TNKS: variants seen among roughly 807,000 people sequenced by gnomAD.
TNKS encodes the protein poly [ADP-ribose] polymerase tankyrase-1.
A neutral mutation model predicts 135.8 loss-of-function variants in TNKS; 72 were observed. The ratio of observed to expected loss-of-function variants is 0.53; its 90% CI spans 0.44 to 0.64. TNKS has a LOEUF of 0.64. Among genes scored for constraint, TNKS ranks in the 30% least tolerant of loss-of-function variants. The pLI is 0.00. For synonymous variants in TNKS, 849 were observed against 649.3 expected (o/e 1.31, Z -4.68); for missense variants, 1,769 against 1,674.0 (o/e 1.06, Z -0.99).
intron 3 of TNKS, among the ~76,000 whole-genome samples, chr8:9,669,008 A>C (rs1258969421): frequency 6.6e-6 from 1 of 152,188 alleles, no homozygotes; most frequent in East Asian, 1.9e-4. Flanking sequence ...GCAGAAATTA[A>C]TGTAACTGAA....
chr8:9,709,967 G>T lies in TNKS; in HGVS notation c.1591G>T (p.Ala531Ser), dbSNP rs752448392. ...SHETALHCAV[A>S]SLHPKRKQVT... ...GTTTACTTTATAGCACTGTGCTGTG[G>T]CCTCTCTGCATCCCAAACGTAAACA... The change falls in exon 10 of 27, where the codon GCC becomes TCC. Residue 531 changes from alanine (A) to serine (S), a missense_variant. Coordinates refer to ENST00000310430, the MANE Select transcript of TNKS (RefSeq NM_003747.3). The T allele has an allele frequency of 6.2e-7, 1 of 1,613,634 alleles. No homozygotes were observed. Among genetic ancestry groups the T allele is most frequent in the Non-Finnish European group, 8.5e-7 (1 of 1,179,918 alleles).
chr8:9,566,001 A>G (rs1012212309), intron 1 of TNKS, among the ~76,000 whole-genome samples: 9 of 152,302 alleles, frequency 5.9e-5, no homozygotes, highest in African/African-American at 2.2e-4. Context: ...TATTATATAC[A>G]TAGTAAGTAG....
intron 17 of TNKS, among the ~76,000 whole-genome samples, chr8:9,740,677 T>C (rs1274411973): frequency 1.3e-5 from 2 of 152,102 alleles, no homozygotes; most frequent in Non-Finnish European, 2.9e-5. Flanking sequence ...TAAAGATGAG[T>C]AGTCTTTTAT....
intron 3 of TNKS, among the ~76,000 whole-genome samples, chr8:9,645,164 G>A (rs1233917843): frequency 6.6e-6 from 1 of 152,130 alleles, no homozygotes; most frequent in Non-Finnish European, 1.5e-5. Flanking sequence ...AATGCAAAGG[G>A]GAGGACGGGT....
chr8:9,780,260 T>A lies in TNKS; in HGVS notation c.*3524T>A, dbSNP rs1808402072. On this transcript the variant is annotated 3_prime_UTR_variant, in exon 27 of 27. Coordinates refer to ENST00000310430, the MANE Select transcript of TNKS (RefSeq NM_003747.3). ...TAAATGGCCTTGCAAACAGAAGTGG[T>A]GTGTATTTTCAAGCACCTTTCCCCC... The A allele has an allele frequency of 7.1e-6, 1 of 141,338 alleles. No homozygotes were observed. The highest frequency in any genetic ancestry group is 7.5e-5 in the Admixed American group (1 of 13,270). The allele number at this position is 141,338 out of a possible 1,614,324, so 8.8% of individuals were successfully genotyped here.
At chr8:9,569,039 C>G (rs537356818) in intron 1 of TNKS, among the ~76,000 whole-genome samples, 1 of 152,232 alleles carries the variant, frequency 6.6e-6, no homozygotes, top group South Asian at 2.1e-4. Flanking sequence ...AAATAATAAG[C>G]ATAATTGTTA....
At chr8:9,659,040 A>C (rs7463594) in intron 3 of TNKS, among the ~76,000 whole-genome samples, 22,918 of 152,226 alleles carry the variant, frequency 0.15, 1,931 homozygotes, top group Admixed American at 0.24. Context: ...ACTAACTATC[A>C]TAAATATATA....
intron 2 of TNKS, among the ~76,000 whole-genome samples, chr8:9,598,654 C>G (rs958907946): frequency 1.3e-4 from 19 of 150,030 alleles, no homozygotes; most frequent in Non-Finnish European, 1.3e-4. Flanking sequence ...TGAGATTGCA[C>G]CATGCCACTG....
intron 2 of TNKS, among the ~76,000 whole-genome samples, chr8:9,589,445 C>G (rs960240383): frequency 7.2e-5 from 11 of 152,096 alleles, no homozygotes; most frequent in African/African-American, 2.7e-4. Context: ...AGTAAACAAC[C>G]AAGCCAGCTC....
intron 1 of TNKS, among the ~76,000 whole-genome samples, chr8:9,563,176 T>C (rs1304579703): frequency 6.6e-6 from 1 of 152,156 alleles, no homozygotes; most frequent in Admixed American, 6.5e-5. Context: ...ATTGTCCATT[T>C]CCAGAACATT....
chr8:9,668,039 T>C (rs9650638), intron 3 of TNKS, among the ~76,000 whole-genome samples: 112,461 of 152,016 alleles, frequency 0.74, 41,778 homozygotes, highest in Middle Eastern at 0.82. Context: ...GCACCAAACC[T>C]GCAGCAACTT....
chr8:9,563,934 T>A (rs1268864220), intron 1 of TNKS, among the ~76,000 whole-genome samples: 1 of 152,188 alleles, frequency 6.6e-6, no homozygotes, highest in Non-Finnish European at 1.5e-5. Flanking sequence ...AATAAAGGTC[T>A]GAGATAGTTA....
intron 2 of TNKS, among the ~76,000 whole-genome samples, chr8:9,595,320 C>G (rs1020773728): frequency 6.6e-6 from 1 of 151,978 alleles, no homozygotes; most frequent in African/African-American, 2.4e-5. Context: ...TCATAAAAAA[C>G]AAAGATGACA....
At chr8:9,590,486 CTTGT>C (rs1798549879) in intron 2 of TNKS, among the ~76,000 whole-genome samples, 3 of 152,134 alleles carry the variant, frequency 2.0e-5, no homozygotes, top group East Asian at 3.9e-4. Context: ...CATACATTTA[CTTGT>C]TTGTTTGCCA....
At chr8:9,748,506 C>G (rs1280280676) in intron 18 of TNKS, among the ~76,000 whole-genome samples, 2 of 152,146 alleles carry the variant, frequency 1.3e-5, no homozygotes, top group East Asian at 1.9e-4. Context: ...AGTAAAATAT[C>G]TTGTACCTTC....
chr8:9,617,256 A>G (rs549908273), intron 3 of TNKS, among the ~76,000 whole-genome samples: 3 of 152,228 alleles, frequency 2.0e-5, no homozygotes, highest in Non-Finnish European at 4.4e-5. Context: ...TTGTGGAGAC[A>G]CAAGATTCCT....
chr8:9,774,752 T>A (rs971630955), intron 26 of TNKS, among the ~76,000 whole-genome samples: 2 of 152,192 alleles, frequency 1.3e-5, no homozygotes, highest in African/African-American at 4.8e-5. Flanking sequence ...AGAATCCACC[T>A]GACTAAGATG....
At chr8:9,719,841 G>T (rs574706695) in intron 11 of TNKS, among the ~76,000 whole-genome samples, 1 of 152,112 alleles carries the variant, frequency 6.6e-6, no homozygotes, top group Non-Finnish European at 1.5e-5. Flanking sequence ...AAAAAGGAAT[G>T]TTTGAATCCT....
chr8:9,591,295 T>G (rs1342403433), intron 2 of TNKS, among the ~76,000 whole-genome samples: 5 of 152,198 alleles, frequency 3.3e-5, no homozygotes, highest in Non-Finnish European at 4.4e-5. Flanking sequence ...GTGCATATCG[T>G]TAGTTTTTTT....
Sources: allele counts gnomAD v4.1 joint callset (sites outside exome capture counted in the v4.1 genomes callset), GRCh38; gene constraint gnomAD v4.1.1; transcripts MANE v1.5; gene names NCBI Gene and HGNC (gene_info 2026-07-23, HGNC 2026-07-21).